Variants in CAPN13 observed in about 807,000 individuals in gnomAD.
The protein encoded by CAPN13 is calpain 13.
Under a neutral mutation model 98.4 loss-of-function variants are expected in CAPN13, and 90 were observed. The observed-to-expected ratio is 0.92, with a 90% CI of 0.77 to 1.09. The LOEUF (loss-of-function observed/expected upper bound fraction) is 1.09. CAPN13 is among the 50% of genes least tolerant of loss of function. The pLI is 0.00. For missense variants in CAPN13, 887 were observed against 841.3 expected (o/e 1.05, Z -0.67); for synonymous variants, 330 against 305.5 (o/e 1.08, Z -0.84).
In CAPN13 at chr2:30,729,303, C is replaced by T. The variant is rs563350443; in HGVS notation, c.*30+1427G>A. On this transcript the variant is annotated intron_variant, in intron 22 of 22. Coordinates refer to ENST00000295055, the MANE Select transcript of CAPN13 (RefSeq NM_144575.3). ...AAGCGCTCCTGTGGCTGATGATAGG[C>T]ATTAGTGAAAGAAACTGAAGTAAAC... 7.2e-5 allele frequency among the ~76,000 whole-genome samples: 11 copies of T among 152,246 alleles called. No individual in the cohort carries two copies. The South Asian group carries it at 2.3e-3, about 32-fold the overall frequency.
At chr2:30,763,506 G>A (rs1672951399) in intron 6 of CAPN13, among the ~76,000 whole-genome samples, 1 of 152,252 alleles carries the variant, frequency 6.6e-6, no homozygotes. Flanking sequence ...CCCACATTGG[G>A]AGTAACTGGA....
At chr2:30,741,473 C>T (rs1035252530) in intron 15 of CAPN13, 31 of 1,010,398 alleles carry the variant, frequency 3.1e-5, no homozygotes, top group Admixed American at 5.5e-5. Context: ...TTAAGGAAAT[C>T]CTGTGTGCAC....
chr2:30,762,855 C>G (rs562871334), intron 7 of CAPN13, among the ~76,000 whole-genome samples: 1 of 152,194 alleles, frequency 6.6e-6, no homozygotes, highest in Non-Finnish European at 1.5e-5. Context: ...AACAGGACAG[C>G]AACATCTCTG....
intron 22 of CAPN13, among the ~76,000 whole-genome samples, chr2:30,726,400 A>T (rs1421187935): frequency 6.6e-6 from 1 of 152,234 alleles, no homozygotes; most frequent in Non-Finnish European, 1.5e-5. Context: ...ATTAGGCAAG[A>T]AAAAGAAATA....
intron 1 of CAPN13, among the ~76,000 whole-genome samples, chr2:30,802,732 G>A (rs968517183): frequency 6.6e-6 from 1 of 152,180 alleles, no homozygotes; most frequent in Non-Finnish European, 1.5e-5. Flanking sequence ...GGTCCACTGG[G>A]GAGATGGTGG....
At chr2:30,772,938 G>A (rs768017024) in intron 4 of CAPN13, among the ~76,000 whole-genome samples, 4 of 151,894 alleles carry the variant, frequency 2.6e-5, no homozygotes, top group Admixed American at 2.0e-4. Flanking sequence ...GGATTCTCCT[G>A]CTTCTGCCTC....
intron 1 of CAPN13, among the ~76,000 whole-genome samples, chr2:30,799,414 A>G (rs1675054208): frequency 6.6e-6 from 1 of 152,212 alleles, no homozygotes; most frequent in Non-Finnish European, 1.5e-5. Context: ...GTCTCCATGC[A>G]TGTGTGGCCT....
intron 5 of CAPN13, among the ~76,000 whole-genome samples, chr2:30,769,749 T>A (rs1393683315): frequency 6.6e-6 from 1 of 152,228 alleles, no homozygotes; most frequent in Non-Finnish European, 1.5e-5. Flanking sequence ...TTTGACCATA[T>A]GAGAATAAGC....
rs1299834033 is a variant in CAPN13 at position 30,722,892 on chromosome 2, G to A, written c.*375C>T. On this transcript the variant is annotated 3_prime_UTR_variant, in exon 23 of 23. Transcript: ENST00000295055. ...AGCTCTTGTGTCACCCATAGCACCC[G>A]AGGGTGGTCAAAGTGGCTCATTCTG... is the stretch of plus-strand genomic sequence containing the variant. The A allele has an allele frequency of 3.3e-5, 5 of 152,264 alleles. No individual in the cohort carries two copies. The highest frequency in any genetic ancestry group is 1.9e-4 in the East Asian group (1 of 5,192). The allele number at this position is 152,264 out of a possible 1,614,324, so 9.4% of individuals were successfully genotyped here.
intron 15 of CAPN13, among the ~76,000 whole-genome samples, chr2:30,740,579 G>C (rs1472098519): frequency 1.3e-5 from 2 of 152,238 alleles, no homozygotes; most frequent in Non-Finnish European, 2.9e-5. Context: ...AGAGGTGAAA[G>C]GGGGCTGGAA....
At chr2:30,779,160 T>C (rs1362150236) in intron 2 of CAPN13, among the ~76,000 whole-genome samples, 1 of 152,182 alleles carries the variant, frequency 6.6e-6, no homozygotes, top group Non-Finnish European at 1.5e-5. Flanking sequence ...TTTCTTGACC[T>C]TGGCCACAGC....
At chr2:30,755,229 G>T (rs998059330) in intron 8 of CAPN13, among the ~76,000 whole-genome samples, 3 of 151,606 alleles carry the variant, frequency 2.0e-5, no homozygotes, top group African/African-American at 7.3e-5. Flanking sequence ...CTCTTAAAGG[G>T]CATTGCCTCT....
At chr2:30,780,620 G>T (rs908344441) in intron 2 of CAPN13, among the ~76,000 whole-genome samples, 2 of 152,218 alleles carry the variant, frequency 1.3e-5, no homozygotes, top group African/African-American at 4.8e-5. Flanking sequence ...CAATGGTGAT[G>T]ATTTCAAACC....
intron 1 of CAPN13, among the ~76,000 whole-genome samples, chr2:30,797,537 A>C (rs1674948121): frequency 1.3e-5 from 2 of 152,140 alleles, no homozygotes. Context: ...CAGCAGACGG[A>C]TATTAATTGA....
At chr2:30,748,352 A>C (rs1241335368) in intron 11 of CAPN13, among the ~76,000 whole-genome samples, 6 of 152,332 alleles carry the variant, frequency 3.9e-5, no homozygotes, top group Admixed American at 1.3e-4. Context: ...AAAGCCCTGG[A>C]AACTATCTCA....
chr2:30,723,903 G>A lies in CAPN13; in HGVS notation c.*31-667C>T, dbSNP rs116134572. Among the ~76,000 whole-genome samples the A allele has an allele frequency of 4.7e-3, 717 of 152,186 alleles. 7 individuals carry two copies. The highest frequency in any genetic ancestry group is 0.016 in the African/African-American group (682 of 41,508). ...AAGATACATGGTTAGAAAATTCAAA[G>A]AGTACTACAAGGCACGAAGGAAAAA... is the stretch of plus-strand genomic sequence containing the variant. On this transcript the variant is annotated intron_variant, in intron 22 of 22. Transcript: ENST00000295055.
intron 7 of CAPN13, among the ~76,000 whole-genome samples, chr2:30,759,073 C>G (rs113653919): frequency 9.8e-5 from 3 of 30,480 alleles, no homozygotes; most frequent in African/African-American, 2.9e-4. Flanking sequence ...CCTCCCTCCT[C>G]CCTCCCTTCC....
At chr2:30,749,431 A>G (rs915334802) in intron 11 of CAPN13, among the ~76,000 whole-genome samples, 9 of 152,192 alleles carry the variant, frequency 5.9e-5, no homozygotes, top group Non-Finnish European at 1.2e-4. Flanking sequence ...ACCACAGCCA[A>G]TGCATAGGAT....
chr2:30,779,889 T>C (rs573685996), intron 2 of CAPN13, among the ~76,000 whole-genome samples: 1 of 152,218 alleles, frequency 6.6e-6, no homozygotes, highest in East Asian at 1.9e-4. Context: ...CCACAATTAC[T>C]TTTGCACCAA....
Sources: gnomAD v4.1 joint callset for allele counts (sites outside exome capture counted in the v4.1 genomes callset) on GRCh38, gnomAD v4.1.1 for gene constraint, MANE v1.5 for transcripts, NCBI Gene and HGNC (gene_info 2026-07-23, HGNC 2026-07-21) for gene names.